Variants in CDC42BPB observed in about 807,000 individuals in gnomAD.
CDC42BPB encodes the protein serine/threonine-protein kinase MRCK beta.
Under a neutral mutation model 214.9 loss-of-function variants are expected in CDC42BPB, and 37 were observed. The ratio of observed to expected loss-of-function variants is 0.17; its 90% CI spans 0.13 to 0.23. CDC42BPB has a LOEUF of 0.23. Ranked by LOEUF, CDC42BPB falls within the 10% of genes least tolerant of loss-of-function variation. The pLI, the probability that CDC42BPB is intolerant of heterozygous loss-of-function variation, is 1.00. For synonymous variants in CDC42BPB, 931 were observed against 884.0 expected (o/e 1.05, Z -0.94); for missense variants, 1,694 against 2,227.0 (o/e 0.76, Z 4.82).
chr14:103,013,183 G>C (rs753540047), intron 1 of CDC42BPB, among the ~76,000 whole-genome samples: 1 of 152,228 alleles, frequency 6.6e-6, no homozygotes, highest in African/African-American at 2.4e-5. Flanking sequence ...AAGTGCGTGA[G>C]GTGAGTGAGA....
At chr14:103,014,165 CAA>C (rs1171233966) in intron 1 of CDC42BPB, among the ~76,000 whole-genome samples, 6 of 24,558 alleles carry the variant, frequency 2.4e-4, no homozygotes, top group Admixed American at 9.7e-4. Flanking sequence ...GACTCCGTCT[CAA>C]AAAAAAAAAA....
chr14:103,010,928 G>C (rs1886120348), intron 2 of CDC42BPB, among the ~76,000 whole-genome samples: 1 of 152,226 alleles, frequency 6.6e-6, no homozygotes, highest in Non-Finnish European at 1.5e-5. Flanking sequence ...TACTCGGGAG[G>C]CTGAGGCAGG....
Position 102,933,714 on chromosome 14 carries a change from A to C in CDC42BPB, c.5134T>G (p.Ter1712GlyextTer37). The C allele has an allele frequency of 6.8e-7, 1 of 1,468,516 alleles. No individual in the cohort carries two copies. 91.0% of individuals were successfully genotyped at this position (1,468,516 alleles called of 1,614,324 possible). A position where few individuals can be genotyped will look rare whatever the true frequency, so the allele number is the denominator to read the frequency against. The change falls in exon 37 of 37, where the codon TGA (stop) becomes GGA (glycine). Residue 1712 changes from the stop codon to glycine, a stop_lost. Coordinates refer to ENST00000361246, the MANE Select transcript of CDC42BPB (RefSeq NM_006035.4). ...GCCCCTGTGGCGAGCTGGCGGCTTC[A>C]GGTGTCACAGGCCGGCTGCTCCAGG... ...EGLEQPACDT[*>G]
In CDC42BPB at chr14:102,995,338, C is replaced by T. The variant is rs576306520; in HGVS notation, c.596+4227G>A. Among the ~76,000 whole-genome samples the T allele has an allele frequency of 4.1e-4, 63 of 152,286 alleles. No individual in the cohort carries two copies. In the South Asian group the frequency reaches 0.012, roughly 28 times the overall value. The stretch of plus-strand genomic sequence containing the variant: ...TACAGGTGCTCATCACTAAGCCTGG[C>T]TAATTTTTTGTATTTTTAGTAGAGA... On this transcript the variant is annotated intron_variant, in intron 5 of 36. Transcript: ENST00000361246.
At chr14:102,936,527 C>T (rs1473100094) in intron 36 of CDC42BPB, among the ~76,000 whole-genome samples, 2 of 148,934 alleles carry the variant, frequency 1.3e-5, no homozygotes, top group Admixed American at 1.3e-4. Context: ...AGAGGCTGGG[C>T]ATTCCATTTC....
At chr14:103,011,925 G>A (rs1259497449) in intron 2 of CDC42BPB, among the ~76,000 whole-genome samples, 172 bp downstream of exon 2, 2 of 152,112 alleles carry the variant, frequency 1.3e-5, no homozygotes, top group Non-Finnish European at 2.9e-5. Context: ...AAGCCAGCCT[G>A]GGCAACATGG....
Position 103,051,842 on chromosome 14 carries a change from G to A in CDC42BPB, c.175+5157C>T, listed in dbSNP as rs183578685. On this transcript the variant is annotated intron_variant, in intron 1 of 36. Coordinates refer to ENST00000361246, the MANE Select transcript of CDC42BPB (RefSeq NM_006035.4). ...TGAAGCCCAACTGTCATGGAAGGAA[G>A]AGGTTTTTTGTTTTTTTTTTGGAGA... 2.3e-3 allele frequency among the ~76,000 whole-genome samples: 349 copies of A among 150,826 alleles called. 3 individuals are homozygous for A. Among genetic ancestry groups the A allele is most frequent in the African/African-American group, 8.2e-3 (330 of 40,258 alleles).
At chr14:103,008,396 T>C (rs889963619) in intron 3 of CDC42BPB, 76 bp downstream of exon 3, 6 of 970,088 alleles carry the variant, frequency 6.2e-6, no homozygotes, top group African/African-American at 4.8e-5. Flanking sequence ...GCTGCAGCTT[T>C]TCCCCAGCTG....
chr14:102,994,074 G>C (rs150040175), intron 5 of CDC42BPB, among the ~76,000 whole-genome samples: 1 of 152,204 alleles, frequency 6.6e-6, no homozygotes, highest in East Asian at 1.9e-4. Flanking sequence ...AGACACAGAA[G>C]AGAGTAAGGA....
At chr14:102,976,776 C>T (rs759648715) in intron 9 of CDC42BPB, among the ~76,000 whole-genome samples, 4 of 152,212 alleles carry the variant, frequency 2.6e-5, no homozygotes, top group Non-Finnish European at 5.9e-5. Flanking sequence ...TGCTGGGCTG[C>T]TCCAGCCCTG....
At chr14:103,045,643 C>T (rs1438162493) in intron 1 of CDC42BPB, among the ~76,000 whole-genome samples, 5 of 152,200 alleles carry the variant, frequency 3.3e-5, no homozygotes, top group South Asian at 2.1e-4. Flanking sequence ...GCTCTCCTGT[C>T]GTCCCATTTC....
intron 36 of CDC42BPB, chr14:102,937,159 T>C (rs181179019): frequency 1.3e-4 from 20 of 152,386 alleles, no homozygotes; most frequent in Admixed American, 1.2e-3. Context: ...CTCTGTATAA[T>C]GTGACAGCCT....
intron 20 of CDC42BPB, chr14:102,959,994 G>A (rs1334188369): frequency 9.1e-6 from 2 of 219,702 alleles, no homozygotes; most frequent in East Asian, 3.7e-4. Flanking sequence ...ATCACCTGAG[G>A]TCAGGAGTTA....
chr14:102,982,553 G>C (rs1187012890), intron 7 of CDC42BPB, among the ~76,000 whole-genome samples: 9 of 152,226 alleles, frequency 5.9e-5, no homozygotes, highest in Non-Finnish European at 1.3e-4. Flanking sequence ...TGGATTGCCT[G>C]AAGTCAGGAG....
chr14:103,008,774 G>A (rs1885988335), intron 2 of CDC42BPB: 3 of 698,616 alleles, frequency 4.3e-6, no homozygotes, highest in Admixed American at 6.3e-5. Context: ...TTTCACTCCT[G>A]CAAATTCACC....
At chr14:103,014,777 T>C (rs952321521) in intron 1 of CDC42BPB, among the ~76,000 whole-genome samples, 2 of 151,888 alleles carry the variant, frequency 1.3e-5, no homozygotes, top group Non-Finnish European at 2.9e-5. Flanking sequence ...TCCTGAGTTA[T>C]TAAAAAAGAA....
Position 102,968,574 on chromosome 14 carries a change from T to G in CDC42BPB, c.2138A>C (p.Lys713Thr). 1 of 1,614,200 alleles carries G rather than the reference T, an allele frequency of 6.2e-7. No homozygotes were observed. The highest frequency in any genetic ancestry group is 8.5e-7 in the Non-Finnish European group (1 of 1,180,044). Residue 713 changes from lysine (K) to threonine (T), a missense_variant, in exon 15 of 37, where the codon AAA becomes ACA. Lys to Thr is a moderately conservative substitution (Grantham distance 78, BLOSUM62 -1). Transcript: ENST00000361246. ...RREASHVLEV[K>T]NVKKEVHDSE... The stretch of plus-strand genomic sequence containing the variant: ...ATCATGCACCTCCTTCTTCACATTT[T>G]TCACTTCTAGCACATGGGAGGCCTC...
Position 102,971,931 on chromosome 14 carries a change from C to T in CDC42BPB, c.1872G>A (p.Lys624=). ...TCTCCACAGCTACCTCTTTCCTGAG[C>T]TTCTCAGCTCTCCGCATTTCCTGCC... ...AMRQEMRRAE[K]LRKELEAQLD... Residue 624 remains lysine, a synonymous_variant, in exon 13 of 37, where the codon AAG becomes AAA. Coordinates refer to ENST00000361246, the MANE Select transcript of CDC42BPB (RefSeq NM_006035.4). 6.2e-7 allele frequency: 1 copy of T among 1,614,172 alleles called. No homozygotes were observed. Among genetic ancestry groups the T allele is most frequent in the Non-Finnish European group, 8.5e-7 (1 of 1,180,018 alleles).
intron 14 of CDC42BPB, 28 bp from the exon 15 acceptor site, chr14:102,968,744 C>T (rs774338699): frequency 6.2e-7 from 1 of 1,610,682 alleles, no homozygotes; most frequent in Non-Finnish European, 8.5e-7. Context: ...CATAAATTGA[C>T]AAACCTCTGT....
Sources: allele counts gnomAD v4.1 joint callset (sites outside exome capture counted in the v4.1 genomes callset), GRCh38; gene constraint gnomAD v4.1.1; transcripts MANE v1.5; gene names NCBI Gene and HGNC (gene_info 2026-07-23, HGNC 2026-07-21).